The following DPCD variants were observed in gnomAD, a reference collection of about 807,000 sequenced individuals.
The protein encoded by DPCD is protein DPCD.
DPCD carries 20 observed loss-of-function variants against 26.4 expected under a neutral mutation model. The ratio of observed to expected loss-of-function variants is 0.76; its 90% CI spans 0.53 to 1.10. The LOEUF (loss-of-function observed/expected upper bound fraction) is 1.10, where lower values mean the gene tolerates loss of function less well. Ranked by LOEUF, DPCD falls within the 50% of genes least tolerant of loss-of-function variation. The pLI is 0.00. For missense variants in DPCD, 202 were observed against 253.9 expected, an observed-to-expected ratio of 0.80 and a Z score of 1.39; for synonymous variants, 97 against 94.2, an observed-to-expected ratio of 1.03 and a Z score of -0.17.
intron 1 of DPCD, 85 bp from the exon 2 acceptor site, chr10:101,594,573 A>G (rs1589722168): frequency 7.2e-7 from 1 of 1,395,270 alleles, no homozygotes; most frequent in South Asian, 1.2e-5. Flanking sequence ...CAAGGCTGGC[A>G]CTGTTTCCCA....
chr10:101,607,166 G>A (rs1306248079), intron 4 of DPCD, among the ~76,000 whole-genome samples: 2 of 152,196 alleles, frequency 1.3e-5, no homozygotes, highest in East Asian at 1.9e-4. Context: ...TCTGCTTTTT[G>A]TGTATATTTG....
At chr10:101,605,306 G>C (rs1249314593) in intron 4 of DPCD, 30 of 1,510,058 alleles carry the variant, frequency 2.0e-5, no homozygotes, top group Non-Finnish European at 2.7e-5. Flanking sequence ...CTGGCCTCTG[G>C]TGCCCTTTTG....
At chr10:101,607,647 A>G (rs1334084353) in intron 4 of DPCD, among the ~76,000 whole-genome samples, 1 of 151,908 alleles carries the variant, frequency 6.6e-6, no homozygotes, top group African/African-American at 2.4e-5. Flanking sequence ...TTTGAAGTGG[A>G]CTCAGGGTAG....
chr10:101,591,928 C>T (rs980451351), intron 1 of DPCD, among the ~76,000 whole-genome samples: 11 of 152,072 alleles, frequency 7.2e-5, no homozygotes, highest in Non-Finnish European at 1.0e-4. Context: ...TTAGGTGATC[C>T]GCCTGCATCG....
At position 101,603,568 on chromosome 10, in the gene DPCD, G is replaced by C. The variant is rs938489777; in HGVS notation, c.404+2232G>C. On this transcript the variant is annotated intron_variant, in intron 4 of 5. Transcript: ENST00000370151. This position sits in a 1 kb window ranked among gnomAD's most constrained non-coding sequence, Gnocchi z 4.6. ...AGGTCAGGAGTTTGAGACCAGCCTG[G>C]CCAACATGGCGAAACCCTGTCTCTC... Among the ~76,000 whole-genome samples, 2 of 152,058 alleles carry C rather than the reference G, an allele frequency of 1.3e-5. No homozygotes were observed. The highest frequency in any genetic ancestry group is 2.9e-5 in the Non-Finnish European group (2 of 68,020).
In DPCD at chr10:101,608,873, A is replaced by T; in HGVS notation, c.443A>T (p.His148Leu). The T allele has an allele frequency of 1.2e-6, 2 of 1,613,568 alleles. No individual in the cohort carries two copies. The highest frequency in any genetic ancestry group is 1.7e-6 in the Non-Finnish European group (2 of 1,179,816). Residue 148 changes from histidine to leucine, a missense_variant, in exon 5 of 6, where the codon CAC (histidine) becomes CTC (leucine). Coordinates refer to ENST00000370151, the MANE Select transcript of DPCD (RefSeq NM_015448.3). The stretch of plus-strand genomic sequence containing the variant: ...TTCTCCATTCCTGATCTAGATAGAC[A>T]CCAGCTACCTCTGGATGACGCCTTG... ...KKFSIPDLDRHQLPLDDALLS... is the reference protein window; with the variant it reads ...KKFSIPDLDRLQLPLDDALLS...
chr10:101,609,321 TG>T, intron 5 of DPCD, 45 bp from the exon 6 acceptor site: 1 of 1,594,248 alleles, frequency 6.3e-7, no homozygotes, highest in Non-Finnish European at 8.6e-7. Flanking sequence ...TGGAAGGAGA[TG>T]GGACAGTGAC....
chr10:101,605,331 AT>A (rs2063726795), intron 4 of DPCD: 5 of 1,436,556 alleles, frequency 3.5e-6, no homozygotes, highest in Non-Finnish European at 4.6e-6. Flanking sequence ...GAAAGGCTGG[AT>A]TGGGGAGGGG....
In DPCD at chr10:101,594,801, A is replaced by G. The variant is rs1564891657; in HGVS notation, c.145+63A>G. 2.0e-6 allele frequency: 3 copies of G among 1,477,830 alleles called. No individual in the cohort carries two copies. The Admixed American group carries it at 5.0e-5, about 25-fold the overall frequency. The allele number at this position is 1,477,830 out of a possible 1,614,324, so 91.5% of individuals were successfully genotyped here. A position where few individuals can be genotyped will look rare whatever the true frequency, so the allele number is the denominator to read the frequency against. ...CTTGGGGCTGACATAAGCACAATGA[A>G]CACTCCTAGCCTTAGGCTTGAGGTA... On this transcript the variant is annotated intron_variant, in intron 2 of 5. Transcript: ENST00000370151.
rs2063686761 is a variant in DPCD, at chr10:101,600,611, C to G, written c.146-127C>G. On this transcript the variant is annotated intron_variant, in intron 2 of 5. Coordinates refer to ENST00000370151, the MANE Select transcript of DPCD (RefSeq NM_015448.3). This position sits in a 1 kb window ranked among gnomAD's most constrained non-coding sequence, Gnocchi z 4.7. Reference sequence around the variant, plus strand: ...CAAAGCTGAGAGTAAAGGCCCAACACTCCCACTTTCATCTTGTGCTAGTTA... The same window carrying G: ...CAAAGCTGAGAGTAAAGGCCCAACAGTCCCACTTTCATCTTGTGCTAGTTA... 2 of 1,400,086 alleles carry G rather than the reference C, an allele frequency of 1.4e-6. No individual in the cohort carries two copies. The highest frequency in any genetic ancestry group is 1.9e-6 in the Non-Finnish European group (2 of 1,040,016). 86.7% of individuals were successfully genotyped at this position (1,400,086 alleles called of 1,614,324 possible).
At chr10:101,589,104 G>A (rs1377499083) in intron 1 of DPCD, among the ~76,000 whole-genome samples, 1 of 152,250 alleles carries the variant, frequency 6.6e-6, no homozygotes, top group Non-Finnish European at 1.5e-5. Flanking sequence ...TAGCCAGGAT[G>A]AATTGCGTCT....
intron 2 of DPCD, among the ~76,000 whole-genome samples, chr10:101,595,199 T>C (rs1198809346): frequency 6.6e-6 from 1 of 152,226 alleles, no homozygotes; most frequent in African/African-American, 2.4e-5. Flanking sequence ...CTATAAAATA[T>C]GGTCCTTATT....
chr10:101,601,995 T>A (rs2063701995), intron 4 of DPCD, among the ~76,000 whole-genome samples: 1 of 152,124 alleles, frequency 6.6e-6, no homozygotes, highest in African/African-American at 2.4e-5. Flanking sequence ...CATTTCCATT[T>A]TGGAAATGCA....
At chr10:101,601,067 C>T (rs11191059) in intron 3 of DPCD, 136 bp from the exon 4 acceptor site, 395,632 of 1,468,970 alleles carry the variant, frequency 0.27, 56,088 homozygotes, top group Non-Finnish European at 0.3. Flanking sequence ...GCCTGGAGTG[C>T]TGTAGCAATA....
intron 5 of DPCD, 114 bp from the exon 6 acceptor site, chr10:101,609,245 TCCTACAGG>T: frequency 1.1e-6 from 1 of 915,030 alleles, no homozygotes; most frequent in Non-Finnish European, 1.7e-6. Flanking sequence ...AATCATTCAA[TCCTACAGG>T]CCTCAATTTT....
At chr10:101,590,640 A>G (rs1333193291) in intron 1 of DPCD, among the ~76,000 whole-genome samples, 2 of 144,722 alleles carry the variant, frequency 1.4e-5, no homozygotes, top group Non-Finnish European at 3.0e-5. Context: ...GCTGTGGGGT[A>G]CGATCATAGC....
chr10:101,601,515 C>G (rs191804222), intron 4 of DPCD, 179 bp downstream of exon 4: 6 of 162,942 alleles, frequency 3.7e-5, no homozygotes, highest in Non-Finnish European at 5.3e-5. Flanking sequence ...TCAGCTCCAT[C>G]GGGGAAGAGA....
chr10:101,608,798 T>C, intron 4 of DPCD, 37 bp from the exon 5 acceptor site: 1 of 1,477,800 alleles, frequency 6.8e-7, no homozygotes, highest in Non-Finnish European at 9.4e-7. Flanking sequence ...TGGGTCACCT[T>C]GCCGAGTGCC....
At chr10:101,606,064 G>C (rs576362246) in intron 4 of DPCD, among the ~76,000 whole-genome samples, 5 of 152,334 alleles carry the variant, frequency 3.3e-5, no homozygotes, top group African/African-American at 1.2e-4. Context: ...AGGTGGGAAT[G>C]GGGGAGAGCG....
Sources: allele counts gnomAD v4.1 joint callset (sites outside exome capture counted in the v4.1 genomes callset), GRCh38; gene constraint gnomAD v4.1.1; non-coding constraint Gnocchi (gnomAD v3.1); transcripts MANE v1.5; gene names NCBI Gene and HGNC (gene_info 2026-07-23, HGNC 2026-07-21).